TGFBR2: variants seen among roughly 807,000 people sequenced by gnomAD.
TGFBR2 encodes TGF-beta receptor type-2.
TGFBR2 carries 18 observed loss-of-function variants against 49.0 expected under a neutral mutation model. The ratio of observed to expected loss-of-function variants is 0.37; its 90% CI spans 0.25 to 0.54. The LOEUF (loss-of-function observed/expected upper bound fraction) is 0.54. Ranked by LOEUF, TGFBR2 falls within the 20% of genes least tolerant of loss-of-function variation. TGFBR2 has a pLI of 0.85. For synonymous variants in TGFBR2, 282 were observed against 275.9 expected (o/e 1.02, Z -0.22); for missense variants, 525 against 722.6 (o/e 0.73, Z 3.13).
intron 1 of TGFBR2, among the ~76,000 whole-genome samples, chr3:30,641,973 T>A (rs1484508120): frequency 1.3e-5 from 2 of 152,040 alleles, no homozygotes; most frequent in Non-Finnish European, 2.9e-5. Context: ...CTAATGGTCC[T>A]TTTTTCTTTT....
At chr3:30,690,625 T>G (rs1699693489) in intron 6 of TGFBR2, among the ~76,000 whole-genome samples, 1 of 152,216 alleles carries the variant, frequency 6.6e-6, no homozygotes, top group South Asian at 2.1e-4. Context: ...TAATCAGCCC[T>G]GTTAAAATAG....
At chr3:30,667,904 G>A (rs1164570278) in intron 3 of TGFBR2, among the ~76,000 whole-genome samples, 1 of 152,118 alleles carries the variant, frequency 6.6e-6, no homozygotes, top group Non-Finnish European at 1.5e-5. Context: ...TGCCAATGAG[G>A]TTATTAAAAT....
chr3:30,665,716 A>T (rs1389395611), intron 3 of TGFBR2, among the ~76,000 whole-genome samples: 1 of 152,206 alleles, frequency 6.6e-6, no homozygotes, highest in East Asian at 1.9e-4. Flanking sequence ...AGTCCTGGAA[A>T]AGAGACTAGA....
chr3:30,617,366 C>G (rs941187999), intron 1 of TGFBR2, among the ~76,000 whole-genome samples: 1 of 152,004 alleles, frequency 6.6e-6, no homozygotes, highest in Non-Finnish European at 1.5e-5. Context: ...CTCTAACGCT[C>G]ATAGTATTGG....
intron 3 of TGFBR2, among the ~76,000 whole-genome samples, chr3:30,658,944 C>T (rs1192278308): frequency 2.6e-5 from 4 of 152,164 alleles, no homozygotes; most frequent in African/African-American, 4.8e-5. Context: ...TGTTGACTTC[C>T]GTTGTTTTCC....
At chr3:30,675,578 G>T (rs1699422855) in intron 5 of TGFBR2, among the ~76,000 whole-genome samples, 1 of 152,028 alleles carries the variant, frequency 6.6e-6, no homozygotes, top group South Asian at 2.1e-4. Flanking sequence ...GTAGAGACAG[G>T]GTTACACCGT....
chr3:30,650,807 A>G (rs1162654463), intron 3 of TGFBR2, among the ~76,000 whole-genome samples: 1 of 152,204 alleles, frequency 6.6e-6, no homozygotes, highest in African/African-American at 2.4e-5. Context: ...AGAAACATAG[A>G]GGGTGAACCC....
rs1699739117 is a variant in TGFBR2 at position 30,692,841 on chromosome 3, C to G, written c.*1242C>G. Reference sequence around the variant, plus strand: ...GGAGATTTTGCAGGAAAATCTGGATCCCCAGGTAAGGATAGCAGATGGTTT... The same window carrying G: ...GGAGATTTTGCAGGAAAATCTGGATGCCCAGGTAAGGATAGCAGATGGTTT... On this transcript the variant is annotated 3_prime_UTR_variant, in exon 7 of 7. Coordinates refer to ENST00000295754, the MANE Select transcript of TGFBR2 (RefSeq NM_003242.6). The G allele has an allele frequency of 4.3e-6, 1 of 233,184 alleles. No homozygotes were observed. The highest frequency in any genetic ancestry group is 8.5e-6 in the Non-Finnish European group (1 of 117,908). 14.4% of individuals were successfully genotyped at this position (233,184 alleles called of 1,614,324 possible). A position where few individuals can be genotyped will look rare whatever the true frequency, so the allele number is the denominator to read the frequency against.
At chr3:30,643,527 T>C (rs896436632) in intron 1 of TGFBR2, among the ~76,000 whole-genome samples, 1 of 152,228 alleles carries the variant, frequency 6.6e-6, no homozygotes, top group Non-Finnish European at 1.5e-5. Context: ...TTTTATTGAA[T>C]AAATGTGAAT....
intron 3 of TGFBR2, among the ~76,000 whole-genome samples, chr3:30,659,952 C>CAT (rs1699088251): frequency 6.6e-6 from 1 of 152,106 alleles, no homozygotes; most frequent in African/African-American, 2.4e-5. Flanking sequence ...CCCACGTATA[C>CAT]TCCAGAGGCT....
chr3:30,682,399 CTTCGCT>C (rs1699555654), intron 5 of TGFBR2, among the ~76,000 whole-genome samples: 1 of 152,164 alleles, frequency 6.6e-6, no homozygotes, highest in Non-Finnish European at 1.5e-5. Flanking sequence ...CTCTCTAAGC[CTTCGCT>C]TTTTCTCTTA....
intron 3 of TGFBR2, among the ~76,000 whole-genome samples, chr3:30,660,068 A>T (rs1220106022): frequency 6.6e-6 from 1 of 152,168 alleles, no homozygotes; most frequent in Non-Finnish European, 1.5e-5. Flanking sequence ...CAATTTTGCC[A>T]TTACAAATTA....
chr3:30,610,723 A>ATT lies in TGFBR2; in HGVS notation c.94+3748_94+3749dup, dbSNP rs555539994. Reference sequence around the variant, plus strand: ...ATTAAATAAAATATTGTTTTAAAGTATTTAACATGGTGCCTGCAACATAGT... The same window carrying ATT: ...ATTAAATAAAATATTGTTTTAAAGTATTTTTAACATGGTGCCTGCAACATAGT... On this transcript the variant is annotated intron_variant, in intron 1 of 6. Transcript: ENST00000295754. Among the ~76,000 whole-genome samples, 552 of 152,318 alleles carry ATT rather than the reference A, an allele frequency of 3.6e-3. 4 individuals carry two copies. Among genetic ancestry groups the ATT allele is most frequent in the African/African-American group, 0.013 (533 of 41,558 alleles).
intron 5 of TGFBR2, among the ~76,000 whole-genome samples, chr3:30,678,546 T>TCAAAAAAAAAAAAAAAAAAAAAAA (rs370795703): frequency 9.9e-6 from 1 of 100,870 alleles, no homozygotes. Flanking sequence ...AGACTGCGTC[T>TCAAAAAAAAAAAAAAAAAAAAAAA]AAAAAAAAAA....
intron 1 of TGFBR2, among the ~76,000 whole-genome samples, 193 bp from the exon 2 acceptor site, chr3:30,644,554 C>T (rs573831684): frequency 5.3e-5 from 8 of 152,230 alleles, no homozygotes; most frequent in South Asian, 2.1e-4. Flanking sequence ...CCCCTCACCA[C>T]GGTACAATGG....
chr3:30,675,655 G>T lies in TGFBR2; in HGVS notation c.1396+1409G>T, dbSNP rs17426138. 5.6e-3 allele frequency among the ~76,000 whole-genome samples: 852 copies of T among 152,266 alleles called. 11 individuals carry two copies. The highest frequency in any genetic ancestry group is 0.019 in the African/African-American group (808 of 41,548). On this transcript the variant is annotated intron_variant, in intron 5 of 6. Transcript: ENST00000295754. ...CCACCTCGGCCTCCCAAAGTGCTGG[G>T]ATTACAGGCGTGAGCCACTGCACCC... is the stretch of plus-strand genomic sequence containing the variant.
intron 3 of TGFBR2, among the ~76,000 whole-genome samples, chr3:30,656,604 G>A (rs10510636): frequency 0.16 from 24,501 of 152,078 alleles, 2,281 homozygotes; most frequent in East Asian, 0.37. Context: ...AGGTGGGTAC[G>A]TGGAAAACAA....
At chr3:30,640,871 T>G (rs1483495040) in intron 1 of TGFBR2, among the ~76,000 whole-genome samples, 2 of 152,202 alleles carry the variant, frequency 1.3e-5, no homozygotes. Flanking sequence ...TAGAGGAATA[T>G]CTTTATTCCT....
At chr3:30,621,361 A>G (rs930101502) in intron 1 of TGFBR2, among the ~76,000 whole-genome samples, 6 of 144,788 alleles carry the variant, frequency 4.1e-5, no homozygotes, top group African/African-American at 1.0e-4. Context: ...GCTCACTGCA[A>G]CCTCTGCCTC....
Sources: gnomAD v4.1 joint callset for allele counts (sites outside exome capture counted in the v4.1 genomes callset) on GRCh38, gnomAD v4.1.1 for gene constraint, MANE v1.5 for transcripts, NCBI Gene and HGNC (gene_info 2026-07-23, HGNC 2026-07-21) for gene names.